CAMTA1: variants seen among roughly 807,000 people sequenced by gnomAD.
CAMTA1 encodes the protein calmodulin binding transcription activator 1, also known as calmodulin-binding transcription activator 1.
CAMTA1 carries 27 observed loss-of-function variants against 170.9 expected under a neutral mutation model. That is an observed-to-expected ratio of 0.16 (90% CI 0.12 to 0.22). The LOEUF is 0.22. Among genes scored for constraint, CAMTA1 ranks in the 10% least tolerant of loss-of-function variants. The pLI, the probability that CAMTA1 is intolerant of heterozygous loss-of-function variation, is 1.00. For synonymous variants in CAMTA1, 833 were observed against 891.5 expected (o/e 0.93, Z 1.17); for missense variants, 1,619 against 2,217.2 (o/e 0.73, Z 5.42).
In CAMTA1 at chr1:6,834,440, G is replaced by A. The variant is rs1432599035; in HGVS notation, c.234+9230G>A. 2.1e-5 allele frequency: 5 copies of A among 233,232 alleles called. No homozygotes were observed. In the East Asian group the frequency reaches 5.7e-4, roughly 26 times the overall value. The allele number at this position is 233,232 out of a possible 1,614,324, so 14.4% of individuals were successfully genotyped here. A position where few individuals can be genotyped will look rare whatever the true frequency, so the allele number is the denominator to read the frequency against. On this transcript the variant is annotated intron_variant, in intron 3 of 22. Transcript: ENST00000303635. ...AATTTTTAGGTGCCTCGTTCGGCCA[G>A]TCCTGGTGGCATTTTGTCTTTTAGC... is the stretch of plus-strand genomic sequence containing the variant.
intron 3 of CAMTA1, among the ~76,000 whole-genome samples, chr1:7,056,534 T>A (rs1254292310): frequency 1.3e-5 from 2 of 152,182 alleles, no homozygotes; most frequent in African/African-American, 2.4e-5. Context: ...TGGTACAGAA[T>A]GCCAGCTGTG....
intron 4 of CAMTA1, among the ~76,000 whole-genome samples, chr1:7,118,085 G>T (rs1300776491): frequency 1.3e-5 from 2 of 152,100 alleles, no homozygotes; most frequent in African/African-American, 2.4e-5. Context: ...GGGCGGTTTG[G>T]GTCTCAGAGC....
chr1:6,972,403 G>T (rs1280043815), intron 3 of CAMTA1, among the ~76,000 whole-genome samples: 2 of 152,186 alleles, frequency 1.3e-5, no homozygotes, highest in African/African-American at 4.8e-5. Context: ...ACAACTGTTT[G>T]AATTTTTACT....
intron 6 of CAMTA1, among the ~76,000 whole-genome samples, chr1:7,475,061 G>T (rs1557774854): frequency 6.6e-6 from 1 of 152,212 alleles, no homozygotes; most frequent in Non-Finnish European, 1.5e-5. Flanking sequence ...CTCTTCCCTG[G>T]CAGGCCATCT....
At chr1:7,207,016 C>A (rs1657867682) in intron 4 of CAMTA1, among the ~76,000 whole-genome samples, 1 of 152,220 alleles carries the variant, frequency 6.6e-6, no homozygotes, top group Non-Finnish European at 1.5e-5. Flanking sequence ...CTTTCCTAGT[C>A]TCCTGAGAGG....
intron 10 of CAMTA1, among the ~76,000 whole-genome samples, chr1:7,672,287 G>A (rs941342289): frequency 6.6e-6 from 1 of 152,142 alleles, no homozygotes; most frequent in African/African-American, 2.4e-5. Flanking sequence ...TTCCACCCAA[G>A]GTGGTCCAGC....
At chr1:7,577,697 G>T (rs999463590) in intron 6 of CAMTA1, among the ~76,000 whole-genome samples, 1 of 152,062 alleles carries the variant, frequency 6.6e-6, no homozygotes, top group African/African-American at 2.4e-5. Context: ...TTAAAGCAAT[G>T]GTCAGCCAAT....
At chr1:7,334,026 A>G (rs1361442454) in intron 5 of CAMTA1, among the ~76,000 whole-genome samples, 2 of 152,186 alleles carry the variant, frequency 1.3e-5, no homozygotes, top group Non-Finnish European at 2.9e-5. Flanking sequence ...AGTGGGAAGG[A>G]GAGGAAAGGC....
chr1:6,978,963 G>A (rs563710508), intron 3 of CAMTA1, among the ~76,000 whole-genome samples: 29 of 152,256 alleles, frequency 1.9e-4, no homozygotes, highest in African/African-American at 5.5e-4. Context: ...GATGCATCGT[G>A]AACAGGCAGG....
intron 3 of CAMTA1, among the ~76,000 whole-genome samples, chr1:6,865,199 A>G (rs547608272): frequency 3.7e-4 from 57 of 152,306 alleles, no homozygotes; most frequent in African/African-American, 1.3e-3. Context: ...TTCTTAGTCC[A>G]TTGATTTAAA....
chr1:7,601,196 T>C (rs28541416), intron 6 of CAMTA1, among the ~76,000 whole-genome samples: 10,501 of 116,752 alleles, frequency 0.09, 1,209 homozygotes, highest in African/African-American at 0.31. Context: ...GGGTGGCTGC[T>C]GGGCGGAGAC....
chr1:7,277,774 C>T (rs201240620), intron 5 of CAMTA1, among the ~76,000 whole-genome samples: 1 of 148,446 alleles, frequency 6.7e-6, no homozygotes. Flanking sequence ...CATACACACA[C>T]TTTTTTTTTT....
intron 3 of CAMTA1, among the ~76,000 whole-genome samples, chr1:7,071,391 G>A (rs781565387): frequency 3.3e-5 from 5 of 152,020 alleles, no homozygotes; most frequent in Non-Finnish European, 5.9e-5. Flanking sequence ...AATCATTAGG[G>A]GAATTAATAT....
chr1:6,864,101 A>G (rs1665754810), intron 3 of CAMTA1, among the ~76,000 whole-genome samples: 1 of 152,134 alleles, frequency 6.6e-6, no homozygotes, highest in African/African-American at 2.4e-5. Flanking sequence ...TCTCAACATG[A>G]TTTACTACTG....
At chr1:7,295,759 T>G (rs1181500598) in intron 5 of CAMTA1, among the ~76,000 whole-genome samples, 1 of 152,158 alleles carries the variant, frequency 6.6e-6, no homozygotes, top group African/African-American at 2.4e-5. Flanking sequence ...CTGACAGTGG[T>G]CAGATACAAT....
rs541433627 is a variant in CAMTA1 at position 6,951,219 on chromosome 1, C to T, written c.234+126009C>T. 3.9e-5 allele frequency among the ~76,000 whole-genome samples: 6 copies of T among 152,346 alleles called. No individual in the cohort carries two copies. In the South Asian group the frequency reaches 1.2e-3, roughly 32 times the overall value. ...CACAGTTAAAACAGGAGTCTGACAT[C>T]TGTCTGCTGGGGAGGCCACAGGTGG... On this transcript the variant is annotated intron_variant, in intron 3 of 22. Coordinates refer to ENST00000303635, the MANE Select transcript of CAMTA1 (RefSeq NM_015215.4).
In CAMTA1 at chr1:7,689,576, C is replaced by CA. The variant is rs1291808231; in HGVS notation, c.2914+11853dup. 1.1e-3 allele frequency among the ~76,000 whole-genome samples: 163 copies of CA among 144,388 alleles called. 1 individual carries two copies. The highest frequency in any genetic ancestry group is 3.5e-3 in the Middle Eastern group (1 of 288). The allele number at this position is 144,388 out of a possible 152,430, so 94.7% of individuals were successfully genotyped here. On this transcript the variant is annotated intron_variant, in intron 11 of 22. Transcript: ENST00000303635. ...CCTGAGTGACAGAGCGAGACCATCT[C>CA]AAAAAAAAAAGAAAAATCAGTGGCA...
chr1:6,883,091 G>T (rs1672065120), intron 3 of CAMTA1, among the ~76,000 whole-genome samples: 1 of 151,898 alleles, frequency 6.6e-6, no homozygotes, highest in Non-Finnish European at 1.5e-5. Context: ...ATGGGGTTTT[G>T]CTGGGTTGGC....
intron 3 of CAMTA1, among the ~76,000 whole-genome samples, chr1:6,974,711 A>T (rs939395024): frequency 6.6e-6 from 1 of 152,192 alleles, no homozygotes; most frequent in Non-Finnish European, 1.5e-5. Flanking sequence ...GGGGTTTCCT[A>T]GCACTTTGGA....
Sources: allele counts gnomAD v4.1 joint callset (sites outside exome capture counted in the v4.1 genomes callset), GRCh38; gene constraint gnomAD v4.1.1; transcripts MANE v1.5; gene names NCBI Gene and HGNC (gene_info 2026-07-23, HGNC 2026-07-21).